Variants in TENT2 observed in about 807,000 individuals in gnomAD.
TENT2 encodes poly(A) RNA polymerase GLD2.
Under a neutral mutation model 72.2 loss-of-function variants are expected in TENT2, and 44 were observed. The ratio of observed to expected loss-of-function variants is 0.61; its 90% CI spans 0.48 to 0.78. TENT2 has a LOEUF of 0.78. TENT2 is among the 30% of genes least tolerant of loss of function. The pLI is 0.00. For synonymous variants in TENT2, 212 were observed against 192.5 expected, an observed-to-expected ratio of 1.10 and a Z score of -0.84; for missense variants, 541 against 569.6, an observed-to-expected ratio of 0.95 and a Z score of 0.51.
rs1365750543 is a variant in TENT2 at position 79,624,185 on chromosome 5, G to A, written c.465+696G>A. 2.0e-5 allele frequency among the ~76,000 whole-genome samples: 3 copies of A among 152,056 alleles called. No individual in the cohort carries two copies. The South Asian group carries it at 6.2e-4, about 32-fold the overall frequency. On this transcript the variant is annotated intron_variant, in intron 4 of 14. Coordinates refer to ENST00000453514, the MANE Select transcript of TENT2 (RefSeq NM_001114394.3). ...GGGTTGTCTGTGGTTTATACTTGCT[G>A]TTTTTGCATTTTCAAAGCTGCCACA...
intron 12 of TENT2, 75 bp downstream of exon 12, chr5:79,669,103 A>G: frequency 1.4e-6 from 2 of 1,463,352 alleles, no homozygotes; most frequent in Non-Finnish European, 1.9e-6. Flanking sequence ...TATGAATACG[A>G]ATATATAAGT....
intron 12 of TENT2, among the ~76,000 whole-genome samples, chr5:79,672,414 C>T (rs1308231723): frequency 6.6e-6 from 1 of 152,148 alleles, no homozygotes; most frequent in South Asian, 2.1e-4. Context: ...CTTATTCGTT[C>T]TATTTTCTTG....
intron 10 of TENT2, among the ~76,000 whole-genome samples, chr5:79,654,206 T>C (rs916394221): frequency 7.8e-4 from 119 of 151,854 alleles, no homozygotes; most frequent in African/African-American, 2.8e-3. Context: ...CTGAGGCGGG[T>C]GGATCACTTG....
rs1018655152 is a variant in TENT2 at position 79,619,700 on chromosome 5, C to G, written c.52C>G (p.Gln18Glu). The G allele has an allele frequency of 6.2e-7, 1 of 1,613,858 alleles. No homozygotes were observed. Among genetic ancestry groups the G allele is most frequent in the Non-Finnish European group, 8.5e-7 (1 of 1,179,814 alleles). Residue 18 changes from glutamine to glutamate, a missense_variant, in exon 2 of 15, where the codon CAA becomes GAA. Transcript: ENST00000453514. ...CCCACCCTTCACTCCAAATCATCAA[C>G]AACATAATAACTTCTTTACCCTGTC... ...GRPPFTPNHQ[Q>E]HNNFFTLSPT...
intron 10 of TENT2, among the ~76,000 whole-genome samples, chr5:79,649,729 A>G (rs969744368): frequency 6.6e-6 from 1 of 152,134 alleles, no homozygotes; most frequent in Admixed American, 6.6e-5. Flanking sequence ...TGTCGCATGC[A>G]TAGTGGCAAA....
At chr5:79,640,187 C>G (rs1464895292) in intron 4 of TENT2, among the ~76,000 whole-genome samples, 2 of 150,712 alleles carry the variant, frequency 1.3e-5, no homozygotes, top group Non-Finnish European at 2.9e-5. Context: ...ACCCAGGAGG[C>G]TGAGGTTGCA....
chr5:79,616,751 A>G (rs1242049380), intron 1 of TENT2, among the ~76,000 whole-genome samples: 1 of 152,206 alleles, frequency 6.6e-6, no homozygotes, highest in Non-Finnish European at 1.5e-5. Flanking sequence ...ATCTCTTGTA[A>G]AAAGACATAA....
Position 79,688,113 on chromosome 5 carries a change from GTTCA to G in TENT2, c.*2843_*2846del, listed in dbSNP as rs1464422953. Among the ~76,000 whole-genome samples the G allele has an allele frequency of 6.6e-6, 1 of 152,168 alleles. No homozygotes were observed. Among genetic ancestry groups the G allele is most frequent in the Non-Finnish European group, 1.5e-5 (1 of 68,026 alleles). ...CTGTACTGTAATTCAATGATTTACA[GTTCA>G]TTACCTCCAGACATAATGCATGCAT... On this transcript the variant is annotated 3_prime_UTR_variant, in exon 15 of 15. Coordinates refer to ENST00000453514, the MANE Select transcript of TENT2 (RefSeq NM_001114394.3).
intron 4 of TENT2, among the ~76,000 whole-genome samples, chr5:79,637,789 C>A (rs2150344618): frequency 6.7e-6 from 1 of 148,258 alleles, no homozygotes; most frequent in South Asian, 2.1e-4. Flanking sequence ...TAGGACTTCT[C>A]CTCTTTTGCT....
Position 79,623,293 on chromosome 5 carries a change from G to T in TENT2, c.269G>T (p.Arg90Leu). 3 of 1,611,754 alleles carry T rather than the reference G, an allele frequency of 1.9e-6. No individual in the cohort carries two copies. Reference protein sequence around the residue: ...DEKNLPLDGKRQRFHSPHQEP... With the variant: ...DEKNLPLDGKLQRFHSPHQEP... The stretch of plus-strand genomic sequence containing the variant: ...AAAAACCTTCCTCTTGACGGTAAAC[G>T]GCAACGTTTCCATTCACCCCACCAA... The change falls in exon 4 of 15, where the codon CGG (arginine) becomes CTG (leucine). Residue 90 changes from arginine to leucine, a missense_variant. Arg to Leu is a moderately radical substitution (Grantham distance 102). Coordinates refer to ENST00000453514, the MANE Select transcript of TENT2 (RefSeq NM_001114394.3).
At chr5:79,619,925 TC>T in intron 2 of TENT2, 68 bp from the exon 3 acceptor site, 1 of 1,459,570 alleles carries the variant, frequency 6.9e-7, no homozygotes, top group Middle Eastern at 1.8e-4. Flanking sequence ...TAATTTTTTT[TC>T]AGAGACTGGT....
At chr5:79,623,054 A>T (rs868015790) in intron 3 of TENT2, among the ~76,000 whole-genome samples, 198 bp from the exon 4 acceptor site, 4 of 151,750 alleles carry the variant, frequency 2.6e-5, no homozygotes, top group South Asian at 2.1e-4. Flanking sequence ...CATTATTACT[A>T]TTTTTTTTAA....
chr5:79,647,677 T>G (rs1277007599), intron 8 of TENT2, among the ~76,000 whole-genome samples: 1 of 152,216 alleles, frequency 6.6e-6, no homozygotes, highest in Non-Finnish European at 1.5e-5. Flanking sequence ...AGAAATATTT[T>G]GTTTTTATTT....
intron 4 of TENT2, among the ~76,000 whole-genome samples, chr5:79,626,306 AT>A (rs36064690): frequency 0.066 from 8,617 of 129,946 alleles, 259 homozygotes; most frequent in South Asian, 0.12. Context: ...TGCCCAGCTA[AT>A]TTTTTTTTTT....
chr5:79,684,794 ATTTTC>A (rs1825321671), intron 14 of TENT2, among the ~76,000 whole-genome samples: 1 of 152,192 alleles, frequency 6.6e-6, no homozygotes, highest in Non-Finnish European at 1.5e-5. Context: ...TTTAAATAAC[ATTTTC>A]TTTTCTGATG....
At chr5:79,672,945 G>A (rs187569892) in intron 12 of TENT2, among the ~76,000 whole-genome samples, 1 of 152,140 alleles carries the variant, frequency 6.6e-6, no homozygotes, top group East Asian at 1.9e-4. Flanking sequence ...GGGTTTCCTT[G>A]CCAGCATTCA....
chr5:79,679,451 TG>T, intron 12 of TENT2, 127 bp from the exon 13 acceptor site: 2 of 455,904 alleles, frequency 4.4e-6, no homozygotes, highest in Non-Finnish European at 7.5e-6. Context: ...ATTGTGGTGC[TG>T]AGGGTTGGGG....
intron 4 of TENT2, among the ~76,000 whole-genome samples, chr5:79,640,239 GAGTA>G (rs2150393371): frequency 6.9e-6 from 1 of 145,302 alleles, no homozygotes; most frequent in Non-Finnish European, 1.5e-5. Flanking sequence ...CTAGGTGACA[GAGTA>G]AGACTCCGTC....
chr5:79,666,691 TTC>T (rs1418834703), intron 11 of TENT2, among the ~76,000 whole-genome samples: 9 of 152,284 alleles, frequency 5.9e-5, no homozygotes, highest in South Asian at 2.1e-4. Flanking sequence ...CTAAATTTCT[TTC>T]TGTTTGCCTG....
Sources: gnomAD v4.1 joint callset for allele counts (sites outside exome capture counted in the v4.1 genomes callset) on GRCh38, gnomAD v4.1.1 for gene constraint, MANE v1.5 for transcripts, NCBI Gene and HGNC (gene_info 2026-07-23, HGNC 2026-07-21) for gene names.